VDR: variants seen among roughly 807,000 people sequenced by gnomAD.
VDR encodes the protein vitamin D3 receptor.
VDR carries 19 observed loss-of-function variants against 39.7 expected under a neutral mutation model. The ratio of observed to expected loss-of-function variants is 0.48; its 90% CI spans 0.33 to 0.70. The LOEUF (loss-of-function observed/expected upper bound fraction) is 0.70. VDR is among the 30% of genes least tolerant of loss of function. The probability of loss-of-function intolerance (pLI) is 0.02; values close to 1 mark genes in which losing one functional copy is unlikely to be tolerated. For missense variants in VDR, 442 were observed against 570.5 expected, an observed-to-expected ratio of 0.77 and a Z score of 2.29; for synonymous variants, 242 against 215.8, an observed-to-expected ratio of 1.12 and a Z score of -1.07.
chr12:47,893,293 C>CACAGGCCT (rs1946404317), intron 1 of VDR, among the ~76,000 whole-genome samples: 1 of 152,184 alleles, frequency 6.6e-6, no homozygotes, highest in South Asian at 2.1e-4. Flanking sequence ...GTTAGCTATG[C>CACAGGCCT]ACAGGCCTCT....
At chr12:47,846,185 C>T (rs1945275759) in intron 9 of VDR, 150 bp downstream of exon 9, 2 of 693,272 alleles carry the variant, frequency 2.9e-6, no homozygotes, top group East Asian at 2.7e-5. Context: ...ACCACAGGGG[C>T]TCTGCAAACC....
chr12:47,887,253 C>T (rs1280105144), intron 1 of VDR, among the ~76,000 whole-genome samples: 9 of 131,310 alleles, frequency 6.9e-5, no homozygotes, highest in Admixed American at 4.8e-4. Context: ...ACCAGGGAGG[C>T]AGAGGTTGCA....
chr12:47,898,836 A>G (rs1273358678), intron 1 of VDR: 1 of 155,168 alleles, frequency 6.4e-6, no homozygotes, highest in East Asian at 1.9e-4. Flanking sequence ...TGTAAAATCT[A>G]CATAGATGAT....
At chr12:47,897,634 C>G (rs1946485671) in intron 1 of VDR, among the ~76,000 whole-genome samples, 2 of 152,164 alleles carry the variant, frequency 1.3e-5, no homozygotes. Context: ...CACCTCTTTT[C>G]CCCAGTAGTC....
rs11168267 is a variant in VDR at position 47,857,759 on chromosome 12, G to A, written c.278-71C>T. 0.092 allele frequency: 143,123 copies of A among 1,557,362 alleles called. 7,216 individuals carry two copies. The highest frequency in any genetic ancestry group is 0.2 in the East Asian group (8,929 of 44,308). On this transcript the variant is annotated intron_variant, in intron 4 of 9. Transcript: ENST00000549336. ...CCAGGAAACCTTCCTCCTGCGGTTG[G>A]GGGTAAAGGTCCAAGATAGGAGGGG...
intron 1 of VDR, among the ~76,000 whole-genome samples, chr12:47,885,564 G>A (rs949854832): frequency 7.2e-5 from 11 of 152,238 alleles, no homozygotes; most frequent in African/African-American, 2.7e-4. Context: ...CACATTGACT[G>A]GACCCTCCTA....
At chr12:47,865,427 G>C (rs114784653) in intron 3 of VDR, among the ~76,000 whole-genome samples, 6 of 152,002 alleles carry the variant, frequency 3.9e-5, no homozygotes, top group Admixed American at 2.0e-4. Flanking sequence ...TGTTTCTTTT[G>C]GGGGGACAGG....
intron 1 of VDR, chr12:47,904,443 T>C (rs1157218759): frequency 1.5e-5 from 11 of 745,548 alleles, no homozygotes; most frequent in Non-Finnish European, 2.1e-5. Flanking sequence ...TCTAAACTCA[T>C]TGGTAGTTCA....
intron 6 of VDR, 147 bp downstream of exon 6, chr12:47,856,982 T>C: frequency 1.6e-6 from 2 of 1,265,216 alleles, no homozygotes; most frequent in Non-Finnish European, 2.2e-6. Flanking sequence ...AGAGGGGCTG[T>C]TGTGAAGACG....
intron 7 of VDR, among the ~76,000 whole-genome samples, chr12:47,849,789 A>T (rs1300851338): frequency 6.6e-6 from 1 of 152,110 alleles, no homozygotes; most frequent in Non-Finnish European, 1.5e-5. Context: ...AACAAATTAA[A>T]TTTGCTCATA....
intron 4 of VDR, among the ~76,000 whole-genome samples, chr12:47,859,930 T>C (rs2137154174): frequency 2.8e-5 from 3 of 107,382 alleles, no homozygotes; most frequent in East Asian, 3.0e-4. Flanking sequence ...TCTTTTTCTT[T>C]CTTTCTTTCT....
At chr12:47,863,800 A>G (rs1228188405) in intron 4 of VDR, among the ~76,000 whole-genome samples, 1 of 152,174 alleles carries the variant, frequency 6.6e-6, no homozygotes, top group Non-Finnish European at 1.5e-5. Flanking sequence ...CATGACCCAC[A>G]GAAGAGAAGC....
intron 3 of VDR, among the ~76,000 whole-genome samples, chr12:47,868,492 C>A (rs1028613116): frequency 6.6e-6 from 1 of 152,160 alleles, no homozygotes; most frequent in Non-Finnish European, 1.5e-5. Flanking sequence ...AGCCTTTTGC[C>A]GTTCACCTCT....
intron 1 of VDR, among the ~76,000 whole-genome samples, chr12:47,888,645 C>A (rs188594825): frequency 1.7e-3 from 257 of 152,224 alleles, no homozygotes; most frequent in African/African-American, 6.0e-3. Context: ...TGGCCGGTGA[C>A]GCATAGGGGA....
At position 47,857,178 on chromosome 12, in the gene VDR, G is replaced by A; in HGVS notation, c.534C>T (p.Phe178=). ...SRPNSRHTPS[F]SGDSSSSCSD... is the part of the protein sequence containing the mutation. ...AGCAGGAGGAGGAGGAGTCCCCAGA[G>A]AAGCTGGGAGTGTGTCTGGAGTTGG... Residue 178 remains phenylalanine, a synonymous_variant, in exon 6 of 10, where the codon TTC becomes TTT. Coordinates refer to ENST00000549336, the MANE Select transcript of VDR (RefSeq NM_000376.3). 1 of 1,614,208 alleles carries A rather than the reference G, an allele frequency of 6.2e-7. No homozygotes were observed. The highest frequency in any genetic ancestry group is 1.3e-5 in the African/African-American group (1 of 75,064).
At chr12:47,857,827 G>T in intron 4 of VDR, 139 bp from the exon 5 acceptor site, 1 of 865,898 alleles carries the variant, frequency 1.2e-6, no homozygotes, top group Non-Finnish European at 1.8e-6. Flanking sequence ...CTGCCACGGA[G>T]ACTCCCACTC....
intron 1 of VDR, among the ~76,000 whole-genome samples, chr12:47,897,745 G>C (rs763458020): frequency 3.3e-4 from 50 of 152,124 alleles, no homozygotes; most frequent in Admixed American, 2.8e-3. Context: ...CAATCCTCCA[G>C]CTACCCCTTG....
chr12:47,846,312 C>T lies in VDR; in HGVS notation c.1024+23G>A, dbSNP rs557952595. The T allele has an allele frequency of 1.1e-5, 17 of 1,602,394 alleles. No homozygotes were observed. The African/African-American group carries it at 1.5e-4, about 14-fold the overall frequency. On this transcript the variant is annotated intron_variant, in intron 9 of 9. Coordinates refer to ENST00000549336, the MANE Select transcript of VDR (RefSeq NM_000376.3). ...ACTCCCCGCTCCCCAGGTCCCTGAG[C>T]TCCTCCCTGCCTGGCCCCATACCTG...
chr12:47,880,271 C>G (rs1046668686), intron 2 of VDR, among the ~76,000 whole-genome samples: 6 of 152,136 alleles, frequency 3.9e-5, no homozygotes, highest in African/African-American at 9.7e-5. Flanking sequence ...TTCCTCCTGC[C>G]CTTGGGTGAC....
Sources: gnomAD v4.1 joint callset for allele counts (sites outside exome capture counted in the v4.1 genomes callset) on GRCh38, gnomAD v4.1.1 for gene constraint, MANE v1.5 for transcripts, NCBI Gene and HGNC (gene_info 2026-07-23, HGNC 2026-07-21) for gene names.